WDR72: variants seen among roughly 807,000 people sequenced by gnomAD.
WDR72 encodes WD repeat domain 72.
A neutral mutation model predicts 124.2 loss-of-function variants in WDR72; 120 were observed. That is an observed-to-expected ratio of 0.97 (90% CI 0.83 to 1.12). WDR72 has a LOEUF of 1.12. WDR72 is among the 50% of genes most tolerant of loss of function. WDR72 has a pLI of 0.00. For missense variants in WDR72, 1,387 were observed against 1,278.8 expected, an observed-to-expected ratio of 1.08 and a Z score of -1.29; for synonymous variants, 452 against 441.7, an observed-to-expected ratio of 1.02 and a Z score of -0.29.
intron 14 of WDR72, among the ~76,000 whole-genome samples, chr15:53,623,233 C>A (rs2140380519): frequency 6.6e-6 from 1 of 151,966 alleles, no homozygotes; most frequent in East Asian, 1.9e-4. Flanking sequence ...GAGCATAGTA[C>A]CCAATAGTTG....
rs8023952 is a variant in WDR72 at position 53,577,221 on chromosome 15, T to C, written c.3148+19858A>G. On this transcript the variant is annotated intron_variant, in intron 18 of 19. Coordinates refer to ENST00000360509, the MANE Select transcript of WDR72 (RefSeq NM_182758.4). ...AGAACTTCTGCACTGTAAAAGCTTA[T>C]TAAGGGAATTTGATTGCAAATTGAA... 9.5e-3 allele frequency among the ~76,000 whole-genome samples: 1,446 copies of C among 152,276 alleles called. 33 individuals carry two copies. The highest frequency in any genetic ancestry group is 0.034 in the African/African-American group (1,394 of 41,550).
chr15:53,595,958 T>A (rs1422355520), intron 18 of WDR72, among the ~76,000 whole-genome samples: 1 of 152,166 alleles, frequency 6.6e-6, no homozygotes, highest in Admixed American at 6.6e-5. Context: ...ATATTCTACC[T>A]GTTTTGATCT....
chr15:53,536,639 C>T (rs992501230), intron 18 of WDR72, among the ~76,000 whole-genome samples: 1 of 152,214 alleles, frequency 6.6e-6, no homozygotes, highest in South Asian at 2.1e-4. Context: ...CTCCAGCTGA[C>T]GTTTTAGAAG....
intron 17 of WDR72, among the ~76,000 whole-genome samples, chr15:53,601,303 A>T (rs1019314871): frequency 4.7e-4 from 71 of 152,180 alleles, no homozygotes; most frequent in Non-Finnish European, 2.1e-4. Context: ...TCAGACAAGC[A>T]AATACTAAGG....
intron 14 of WDR72, among the ~76,000 whole-genome samples, chr15:53,635,825 C>A (rs898433293): frequency 6.6e-6 from 1 of 151,948 alleles, no homozygotes; most frequent in Admixed American, 6.6e-5. Flanking sequence ...TGTGCGTGTA[C>A]CCCCAAAATC....
At chr15:53,691,616 C>CAGAT (rs1420096448) in intron 13 of WDR72, among the ~76,000 whole-genome samples, 12 of 65,468 alleles carry the variant, frequency 1.8e-4, no homozygotes, top group Non-Finnish European at 4.2e-4. Context: ...GACAGACAGA[C>CAGAT]AGACAGATAG....
At chr15:53,715,137 A>G in intron 5 of WDR72, 56 bp downstream of exon 5, 1 of 1,578,870 alleles carries the variant, frequency 6.3e-7, no homozygotes, top group Non-Finnish European at 8.7e-7. Context: ...AAATAATTCA[A>G]AAGTAGATAT....
intron 14 of WDR72, among the ~76,000 whole-genome samples, chr15:53,638,083 C>A (rs996569668): frequency 1.3e-5 from 2 of 152,128 alleles, no homozygotes; most frequent in Non-Finnish European, 2.9e-5. Context: ...ATGAAAGCAG[C>A]ATTTTTTTCC....
intron 13 of WDR72, among the ~76,000 whole-genome samples, chr15:53,678,161 A>C (rs181163475): frequency 6.6e-6 from 1 of 152,336 alleles, no homozygotes; most frequent in Admixed American, 6.5e-5. Flanking sequence ...ACAATCAGCA[A>C]ATTTTTCAAA....
chr15:53,661,208 A>C (rs72747352), intron 14 of WDR72, among the ~76,000 whole-genome samples: 5,237 of 152,294 alleles, frequency 0.034, 137 homozygotes, highest in Middle Eastern at 0.11. Context: ...GTTGCTATAA[A>C]GGAATACCTG....
chr15:53,615,582 G>A lies in WDR72; in HGVS notation c.2624C>T (p.Thr875Ile), dbSNP rs2013722702. 6.2e-7 allele frequency: 1 copy of A among 1,613,054 alleles called. No homozygotes were observed. Among genetic ancestry groups the A allele is most frequent in the Non-Finnish European group, 8.5e-7 (1 of 1,179,482 alleles). ...TCCAACCTGATTTGGAAGAGTGGCTGTGTATTTATCTGACAAGTCCAAAAC... is the reference window on the plus strand; with the variant it reads ...TCCAACCTGATTTGGAAGAGTGGCTATGTATTTATCTGACAAGTCCAAAAC... ...RKVLDLSDKY[T>I]ATLPNQVGIP... The change falls in exon 15 of 20, where the codon ACA becomes ATA. Residue 875 changes from threonine (T) to isoleucine (I), a missense_variant. By Grantham distance (89) the Thr-to-Ile change is moderately conservative. Coordinates refer to ENST00000360509, the MANE Select transcript of WDR72 (RefSeq NM_182758.4).
chr15:53,688,846 G>T (rs868146626), intron 13 of WDR72, among the ~76,000 whole-genome samples: 4,072 of 151,948 alleles, frequency 0.027, 94 homozygotes, highest in East Asian at 0.068. Flanking sequence ...AAAACAGCAT[G>T]GTACTGGTAC....
chr15:53,586,951 T>C (rs948665768), intron 18 of WDR72, among the ~76,000 whole-genome samples: 9 of 151,988 alleles, frequency 5.9e-5, no homozygotes, highest in African/African-American at 1.9e-4. Context: ...TAAGAATGTC[T>C]AGAATCCCTT....
chr15:53,555,672 C>G (rs992393828), intron 18 of WDR72, among the ~76,000 whole-genome samples: 1 of 152,024 alleles, frequency 6.6e-6, no homozygotes, highest in Non-Finnish European at 1.5e-5. Flanking sequence ...ACCCATAATT[C>G]AATTAAATTA....
At chr15:53,678,136 A>C (rs2140473999) in intron 13 of WDR72, among the ~76,000 whole-genome samples, 1 of 152,366 alleles carries the variant, frequency 6.6e-6, no homozygotes, top group East Asian at 1.9e-4. Flanking sequence ...CTGAAGAAAG[A>C]ACTTTATTGG....
intron 18 of WDR72, among the ~76,000 whole-genome samples, chr15:53,552,932 C>T (rs763213361): frequency 7.9e-5 from 12 of 152,070 alleles, no homozygotes; most frequent in East Asian, 7.8e-4. Context: ...CTATAGGAAG[C>T]GGTGGAATCC....
chr15:53,760,383 T>A (rs1447544059), upstream of WDR72, among the ~76,000 whole-genome samples: 2 of 148,496 alleles, frequency 1.3e-5, no homozygotes, highest in African/African-American at 5.0e-5. Context: ...TCTTCATAAG[T>A]TGAATTGTTT....
At chr15:53,650,540 T>G (rs2015197234) in intron 14 of WDR72, among the ~76,000 whole-genome samples, 1 of 152,172 alleles carries the variant, frequency 6.6e-6, no homozygotes, top group African/African-American at 2.4e-5. Flanking sequence ...ATATTCCATC[T>G]CCAGTCATAT....
chr15:53,733,204 T>A, intron 1 of WDR72, 43 bp from the exon 2 acceptor site: 1 of 1,607,398 alleles, frequency 6.2e-7, no homozygotes, highest in East Asian at 2.2e-5. Flanking sequence ...GTCATCTTTT[T>A]GAAATTTGAG....
Sources: gnomAD v4.1 joint callset for allele counts (sites outside exome capture counted in the v4.1 genomes callset) on GRCh38, gnomAD v4.1.1 for gene constraint, MANE v1.5 for transcripts, NCBI Gene and HGNC (gene_info 2026-07-23, HGNC 2026-07-21) for gene names.